Variants in TLE5 observed in about 807,000 individuals in gnomAD.
The protein encoded by TLE5 is TLE family member 5.
TLE5 carries 7 observed loss-of-function variants against 25.8 expected under a neutral mutation model. The observed-to-expected ratio is 0.27, with a 90% CI of 0.15 to 0.51. TLE5 has a LOEUF of 0.51. TLE5 is among the 20% of genes least tolerant of loss of function. The pLI, the probability that TLE5 is intolerant of heterozygous loss-of-function variation, is 0.97. For synonymous variants in TLE5, 132 were observed against 110.5 expected, an observed-to-expected ratio of 1.20 and a Z score of -1.22; for missense variants, 149 against 250.7, an observed-to-expected ratio of 0.59 and a Z score of 2.74.
intron 6 of TLE5, 33 bp downstream of exon 6, chr19:3,054,087 C>CCCCTG: frequency 3.4e-6 from 5 of 1,476,436 alleles, no homozygotes; most frequent in Non-Finnish European, 9.2e-7. Flanking sequence ...GCCCACCTGT[C>CCCCTG]CCCCGCCCAC....
chr19:3,055,591 A>T, intron 5 of TLE5, 73 bp downstream of exon 5: 3 of 1,404,266 alleles, frequency 2.1e-6, no homozygotes, highest in Non-Finnish European at 9.7e-7. Flanking sequence ...ACCACCCAAG[A>T]TGGCTGCAGT....
chr19:3,057,692 C>G lies in TLE5; in HGVS notation c.176G>C (p.Arg59Pro), dbSNP rs1229754555. Residue 59 changes from arginine to proline, a missense_variant, in exon 3 of 7, where the codon CGT becomes CCT. By Grantham distance (103) the Arg-to-Pro change is moderately radical (BLOSUM62 -2). Coordinates refer to ENST00000327141, the MANE Select transcript of TLE5 (RefSeq NM_001130.6). ...KLASEKSEMQ[R>P]HYVMYYEMSY... ...GAGTGACGTTACCATCACATAGTGA[C>G]GCTGCATCTCTGACTTCTCACTGGC... The G allele has an allele frequency of 1.2e-6, 2 of 1,613,572 alleles. No homozygotes were observed.
intron 5 of TLE5, chr19:3,055,395 T>C (rs897722849): frequency 1.6e-4 from 52 of 335,134 alleles, no homozygotes; most frequent in Admixed American, 4.8e-5. Flanking sequence ...TAGGCCCATC[T>C]GACATTTCTA....
intron 1 of TLE5, 190 bp from the exon 2 acceptor site, chr19:3,061,447 C>A (rs2090266891): frequency 2.4e-6 from 1 of 413,838 alleles, no homozygotes; most frequent in South Asian, 2.9e-5. Context: ...GGAAGCCGAG[C>A]GGGTGGGTGC....
chr19:3,057,820 G>A (rs903939652), intron 2 of TLE5, 78 bp from the exon 3 acceptor site: 2 of 1,358,310 alleles, frequency 1.5e-6, no homozygotes, highest in African/African-American at 1.4e-5. Context: ...ATCCAGGGGA[G>A]GAAACTGAGG....
intron 1 of TLE5, among the ~76,000 whole-genome samples, chr19:3,061,612 C>G (rs1301636526): frequency 1.3e-5 from 2 of 151,786 alleles, no homozygotes; most frequent in African/African-American, 4.8e-5. Flanking sequence ...CTAGGGAGCC[C>G]CCTCCCCAAG....
chr19:3,057,608 C>A, intron 3 of TLE5, 71 bp downstream of exon 3: 5 of 1,458,242 alleles, frequency 3.4e-6, no homozygotes, highest in Middle Eastern at 1.7e-4. Context: ...AGCAGCTGCC[C>A]GTGGTGGAGG....
At chr19:3,059,123 A>T (rs2090243536) in intron 2 of TLE5, among the ~76,000 whole-genome samples, 1 of 152,190 alleles carries the variant, frequency 6.6e-6, no homozygotes, top group African/African-American at 2.4e-5. Flanking sequence ...GCTCCACCGG[A>T]GAAGAGTGTG....
intron 5 of TLE5, 75 bp downstream of exon 5, chr19:3,055,589 A>G: frequency 1.4e-6 from 2 of 1,400,344 alleles, no homozygotes; most frequent in Middle Eastern, 1.9e-4. Flanking sequence ...ACACCACCCA[A>G]GATGGCTGCA....
chr19:3,054,086 T>TCCCCACC, intron 6 of TLE5, 34 bp downstream of exon 6: 1 of 1,512,818 alleles, frequency 6.6e-7, no homozygotes. Flanking sequence ...GGCCCACCTG[T>TCCCCACC]CCCCCGCCCA....
chr19:3,055,413 C>T (rs1258783634), intron 5 of TLE5: 4 of 364,654 alleles, frequency 1.1e-5, no homozygotes, highest in East Asian at 4.1e-5. Flanking sequence ...CTACCTATGA[C>T]ATGACTCACT....
intron 1 of TLE5, among the ~76,000 whole-genome samples, chr19:3,061,924 G>A (rs1367393769): frequency 1.4e-5 from 2 of 139,550 alleles, no homozygotes; most frequent in Non-Finnish European, 3.2e-5. Flanking sequence ...TGCGGCGGGG[G>A]GGCTCGGGGC....
rs1231575426 is a variant in TLE5 at position 3,061,865 on chromosome 19, G to A, written c.27+309C>T. On this transcript the variant is annotated intron_variant, in intron 1 of 6. Transcript: ENST00000327141. Reference sequence around the variant, plus strand: ...AGGCCCGAGGCCAAGGCCGTCCGAGGCCCTGACTGTCCCGGCGGGTTGGGG... The same window carrying A: ...AGGCCCGAGGCCAAGGCCGTCCGAGACCCTGACTGTCCCGGCGGGTTGGGG... 4.2e-4 allele frequency among the ~76,000 whole-genome samples: 54 copies of A among 128,830 alleles called. 1 individual carries two copies. The highest frequency in any genetic ancestry group is 1.5e-4 in the Non-Finnish European group (9 of 60,474). The allele number at this position is 128,830 out of a possible 152,430, so 84.5% of individuals were successfully genotyped here. A position where few individuals can be genotyped will look rare whatever the true frequency, so the allele number is the denominator to read the frequency against.
chr19:3,057,837 G>A (rs1665870534), intron 2 of TLE5, 95 bp from the exon 3 acceptor site: 1 of 1,212,756 alleles, frequency 8.2e-7, no homozygotes, highest in Non-Finnish European at 1.2e-6. Context: ...GAGGCTCCAA[G>A]TCCCCTGTAA....
Position 3,062,310 on chromosome 19 carries a change from G to A in TLE5, c.-110C>T. On this transcript the variant is annotated 5_prime_UTR_variant, in exon 1 of 7. Coordinates refer to ENST00000327141, the MANE Select transcript of TLE5 (RefSeq NM_001130.6). ...GTCCCGGCGCCGATCGGCAGCTCCC[G>A]GGGCCGCCGCCGCCTCCCGCGCCCG... The A allele has an allele frequency of 1.0e-6, 1 of 978,684 alleles. No homozygotes were observed. Among genetic ancestry groups the A allele is most frequent in the Non-Finnish European group, 1.2e-6 (1 of 827,594 alleles). The allele number at this position is 978,684 out of a possible 1,614,324, so 60.6% of individuals were successfully genotyped here. A position where few individuals can be genotyped will look rare whatever the true frequency, so the allele number is the denominator to read the frequency against.
At chr19:3,056,136 G>T (rs10426178) in intron 4 of TLE5, 176 bp downstream of exon 4, 27,906 of 528,054 alleles carry the variant, frequency 0.053, 2,207 homozygotes, top group African/African-American at 0.24. Flanking sequence ...GGCGGGGCGG[G>T]GGGGAGGAGA....
chr19:3,061,889 G>A (rs1018603062), intron 1 of TLE5, among the ~76,000 whole-genome samples: 3 of 127,058 alleles, frequency 2.4e-5, no homozygotes, highest in Admixed American at 7.2e-5. Context: ...GGCGGGTTGG[G>A]GGGGGGGGGC....
chr19:3,059,839 A>G (rs563877384), intron 2 of TLE5, among the ~76,000 whole-genome samples: 6 of 152,174 alleles, frequency 3.9e-5, no homozygotes, highest in Non-Finnish European at 8.8e-5. Context: ...AGGAACCCGC[A>G]CAAAAGCTTC....
intron 2 of TLE5, among the ~76,000 whole-genome samples, chr19:3,059,208 T>TAAAAAC (rs892172696): frequency 2.6e-5 from 4 of 152,002 alleles, no homozygotes; most frequent in African/African-American, 7.2e-5. Flanking sequence ...TTGCTACCAT[T>TAAAAAC]AAAAACAAAA....
Sources: gnomAD v4.1 joint callset for allele counts (sites outside exome capture counted in the v4.1 genomes callset) on GRCh38, gnomAD v4.1.1 for gene constraint, MANE v1.5 for transcripts, NCBI Gene and HGNC (gene_info 2026-07-23, HGNC 2026-07-21) for gene names.